Variants in GPR158 observed in about 807,000 individuals in gnomAD.
GPR158 encodes metabotropic glycine receptor.
A neutral mutation model predicts 78.2 loss-of-function variants in GPR158; 30 were observed. That is an observed-to-expected ratio of 0.38 (90% confidence interval 0.29 to 0.52). The LOEUF (loss-of-function observed/expected upper bound fraction) is 0.52. GPR158 is among the 20% of genes least tolerant of loss of function. The pLI is 0.83. For synonymous variants in GPR158, 581 were observed against 591.1 expected, an observed-to-expected ratio of 0.98 and a Z score of 0.25; for missense variants, 1,463 against 1,523.5, an observed-to-expected ratio of 0.96 and a Z score of 0.66.
intron 7 of GPR158, among the ~76,000 whole-genome samples, chr10:25,581,919 G>T (rs148896533): frequency 6.9e-4 from 105 of 152,286 alleles, no homozygotes; most frequent in African/African-American, 2.3e-3. Flanking sequence ...TGGACTCACA[G>T]TTCCACATGG....
chr10:25,434,933 A>T (rs1335681366), intron 4 of GPR158, among the ~76,000 whole-genome samples: 9 of 74,290 alleles, frequency 1.2e-4, no homozygotes, highest in Non-Finnish European at 4.1e-5. Flanking sequence ...AGGCAGAAAG[A>T]TATATATGCA....
At chr10:25,342,639 G>A (rs1021892140) in intron 2 of GPR158, among the ~76,000 whole-genome samples, 3 of 151,726 alleles carry the variant, frequency 2.0e-5, no homozygotes, top group Admixed American at 2.0e-4. Context: ...AATCCTTCCT[G>A]TTGTTTCAGA....
intron 2 of GPR158, among the ~76,000 whole-genome samples, chr10:25,304,413 A>T (rs533239182): frequency 1.3e-5 from 2 of 152,086 alleles, no homozygotes; most frequent in Admixed American, 6.5e-5. Flanking sequence ...GTGTTTCACA[A>T]TTCTGGCTCC....
At chr10:25,356,267 G>C (rs1303002429) in intron 2 of GPR158, among the ~76,000 whole-genome samples, 1 of 151,976 alleles carries the variant, frequency 6.6e-6, no homozygotes, top group Non-Finnish European at 1.5e-5. Flanking sequence ...CCACATATTT[G>C]AGTTCTGGGG....
At chr10:25,192,060 C>T (rs114228213) in intron 1 of GPR158, among the ~76,000 whole-genome samples, 5,443 of 152,194 alleles carry the variant, frequency 0.036, 308 homozygotes, top group African/African-American at 0.12. Flanking sequence ...CCCAAAATCT[C>T]ATCTTGAATT....
chr10:25,583,657 A>ATTTT (rs10700827), intron 7 of GPR158, among the ~76,000 whole-genome samples: 132 of 150,734 alleles, frequency 8.8e-4, no homozygotes, highest in African/African-American at 3.1e-3. Context: ...AATTGTAAAT[A>ATTTT]TTTTTTTTTT....
intron 2 of GPR158, among the ~76,000 whole-genome samples, chr10:25,370,026 T>C (rs986784720): frequency 1.2e-4 from 17 of 145,932 alleles, no homozygotes; most frequent in African/African-American, 4.2e-4. Flanking sequence ...CCCTTTATCA[T>C]TTTTTATTGC....
rs769592452 is a variant in GPR158, at chr10:25,176,000, G to C, written c.580G>C (p.Ala194Pro). 6.2e-7 allele frequency: 1 copy of C among 1,612,844 alleles called. No homozygotes were observed. Among genetic ancestry groups the C allele is most frequent in the African/African-American group, 1.3e-5 (1 of 74,900 alleles). ...ACCGGCCCCACAGGTCTTCCTCCAG[G>C]CCACGCGCGAGGAGAGCCGCATCCT... ...SAPAPQVFLQ[A>P]TREESRILLQ... is the part of the protein sequence containing the mutation. Residue 194 changes from alanine (A) to proline (P), a missense_variant, in exon 1 of 11, where the codon GCC (alanine) becomes CCC (proline). Coordinates refer to ENST00000376351, the MANE Select transcript of GPR158 (RefSeq NM_020752.3). This position sits in a 1 kb window ranked among gnomAD's most constrained non-coding sequence, Gnocchi z 6.4.
At chr10:25,377,015 A>G (rs1009060805) in intron 2 of GPR158, among the ~76,000 whole-genome samples, 21 of 151,580 alleles carry the variant, frequency 1.4e-4, no homozygotes, top group African/African-American at 5.1e-4. Context: ...TGTAGGTGTT[A>G]TTTTCTTTGT....
chr10:25,389,617 G>C (rs1353077493), intron 2 of GPR158, among the ~76,000 whole-genome samples: 1 of 152,172 alleles, frequency 6.6e-6, no homozygotes, highest in Non-Finnish European at 1.5e-5. Flanking sequence ...CCGCTGAATG[G>C]TGGGGCTAAA....
intron 1 of GPR158, among the ~76,000 whole-genome samples, chr10:25,196,570 C>A (rs1347254565): frequency 6.6e-6 from 1 of 152,312 alleles, no homozygotes; most frequent in East Asian, 1.9e-4. Context: ...TGGGACGTAT[C>A]TTGTGACACA....
chr10:25,572,409 C>T (rs1412842413), intron 6 of GPR158, among the ~76,000 whole-genome samples: 1 of 152,138 alleles, frequency 6.6e-6, no homozygotes, highest in Non-Finnish European at 1.5e-5. Context: ...GAGAGGAATG[C>T]TTGAGCCAGG....
intron 2 of GPR158, among the ~76,000 whole-genome samples, chr10:25,373,538 C>T (rs142996323): frequency 1.3e-5 from 2 of 151,884 alleles, no homozygotes; most frequent in African/African-American, 4.8e-5. Flanking sequence ...TTTCAGTCTT[C>T]CTTTGTAGTA....
intron 5 of GPR158, among the ~76,000 whole-genome samples, chr10:25,489,240 A>G (rs535437387): frequency 1.3e-5 from 2 of 152,300 alleles, no homozygotes; most frequent in Non-Finnish European, 2.9e-5. Context: ...AAGAGTTGCT[A>G]AAGAAGTTTA....
rs376529690 is a variant in GPR158, at chr10:25,287,488, C to T, written c.1008+66331C>T. ...TTTTCTGTTTGTTTGTATTGGTGAGCAGCAAGTCAGGACTGTGAGGAAGTG... is the reference window on the plus strand; with the variant it reads ...TTTTCTGTTTGTTTGTATTGGTGAGTAGCAAGTCAGGACTGTGAGGAAGTG... On this transcript the variant is annotated intron_variant, in intron 2 of 10. Coordinates refer to ENST00000376351, the MANE Select transcript of GPR158 (RefSeq NM_020752.3). Among the ~76,000 whole-genome samples the T allele has an allele frequency of 3.3e-5, 5 of 152,070 alleles. No homozygotes were observed. The South Asian group carries it at 8.3e-4, about 25-fold the overall frequency.
At chr10:25,356,573 G>C (rs977708695) in intron 2 of GPR158, among the ~76,000 whole-genome samples, 9 of 151,672 alleles carry the variant, frequency 5.9e-5, no homozygotes, top group Admixed American at 2.6e-4. Flanking sequence ...ATAGTAAATG[G>C]GTCTTACAAG....
intron 2 of GPR158, among the ~76,000 whole-genome samples, chr10:25,237,861 T>C (rs956893690): frequency 6.6e-6 from 1 of 152,118 alleles, no homozygotes; most frequent in South Asian, 2.1e-4. Context: ...GAAAAACTTA[T>C]CATAATCAAT....
At chr10:25,263,891 A>T (rs1168432948) in intron 2 of GPR158, among the ~76,000 whole-genome samples, 1 of 152,200 alleles carries the variant, frequency 6.6e-6, no homozygotes. Flanking sequence ...GAGCTGATAC[A>T]GTGCCACTGC....
chr10:25,356,274 G>A (rs2130526523), intron 2 of GPR158, among the ~76,000 whole-genome samples: 1 of 152,068 alleles, frequency 6.6e-6, no homozygotes, highest in East Asian at 1.9e-4. Flanking sequence ...TTTGAGTTCT[G>A]GGGTATTGCT....
Sources: allele counts gnomAD v4.1 joint callset (sites outside exome capture counted in the v4.1 genomes callset), GRCh38; gene constraint gnomAD v4.1.1; non-coding constraint Gnocchi (gnomAD v3.1); transcripts MANE v1.5; gene names NCBI Gene and HGNC (gene_info 2026-07-23, HGNC 2026-07-21).